CFB: variants seen among roughly 807,000 people sequenced by gnomAD.
CFB encodes the protein complement factor B, also known as B-factor, properdin.
CFB carries 59 observed loss-of-function variants against 97.2 expected under a neutral mutation model. The ratio of observed to expected loss-of-function variants is 0.61; its 90% CI spans 0.49 to 0.75. The LOEUF (loss-of-function observed/expected upper bound fraction) is 0.75. CFB is among the 30% of genes least tolerant of loss of function. The pLI, the probability that CFB is intolerant of heterozygous loss-of-function variation, is 0.00. For synonymous variants in CFB, 316 were observed against 351.7 expected (o/e 0.90, Z 1.14); for missense variants, 771 against 959.8 (o/e 0.80, Z 2.60).
Position 31,951,283 on chromosome 6 carries a change from A to T in CFB, c.1956+39A>T. 2 of 1,613,626 alleles carry T rather than the reference A, an allele frequency of 1.2e-6. No individual in the cohort carries two copies. The highest frequency in any genetic ancestry group is 1.7e-6 in the Non-Finnish European group (2 of 1,179,992). On this transcript the variant is annotated intron_variant, in intron 15 of 17. Transcript: ENST00000425368. The surrounding 1 kb of genome is among the most constrained non-coding windows in gnomAD (Gnocchi z 4.3). ...ATCCTAAGGAGGCACTCTAGGCCCC[A>T]ATCCTTCCTAAGCCACTTCTGTTCA...
rs1356298261 is a variant in CFB, at chr6:31,948,498, A to G, written c.1022A>G (p.Glu341Gly). The change falls in exon 7 of 18, where the codon GAA (glutamate) becomes GGA (glycine). Residue 341 changes from glutamate to glycine, a missense_variant. Physicochemically the swap from Glu to Gly is moderately conservative, Grantham distance 98 (BLOSUM62 -2). Coordinates refer to ENST00000425368, the MANE Select transcript of CFB (RefSeq NM_001710.6). ...GACTGGGTCACGAAGCAGCTCAATG[A>G]AATCAATTATGAAGGTCAGAGGTTA... Reference protein sequence around the residue: ...NADWVTKQLNEINYEDHKLKS... With the variant: ...NADWVTKQLNGINYEDHKLKS... 3.7e-6 allele frequency: 6 copies of G among 1,614,178 alleles called. No homozygotes were observed. The South Asian group carries it at 4.4e-5, about 12-fold the overall frequency.
chr6:31,950,728 C>G lies in CFB; in HGVS notation c.1734C>G (p.Ala578=). The change falls in exon 13 of 18, where the codon GCC becomes GCG. Residue 578 remains alanine, a synonymous_variant. Coordinates refer to ENST00000425368, the MANE Select transcript of CFB (RefSeq NM_001710.6). ...GIPEFYDYDV[A]LIKLKNKLKY... is the part of the protein sequence containing the mutation. Reference sequence around the variant, plus strand: ...CTGAATTTTATGACTATGACGTTGCCCTGATCAAGCTCAAGAATAAGCTGA... The same window carrying G: ...CTGAATTTTATGACTATGACGTTGCGCTGATCAAGCTCAAGAATAAGCTGA... 1 of 1,613,006 alleles carries G rather than the reference C, an allele frequency of 6.2e-7. No individual in the cohort carries two copies. The highest frequency in any genetic ancestry group is 8.5e-7 in the Non-Finnish European group (1 of 1,180,028).
At position 31,950,377 on chromosome 6, in the gene CFB, A is replaced by C; in HGVS notation, c.1598A>C (p.Lys533Thr). 1 of 1,613,032 alleles carries C rather than the reference A, an allele frequency of 6.2e-7. No individual in the cohort carries two copies. Among genetic ancestry groups the C allele is most frequent in the Non-Finnish European group, 8.5e-7 (1 of 1,180,024 alleles). ...GCACATTGTTTCACTGTGGATGACA[A>C]GGAACACTCAATCAAGGTCAGCGTA... ...TAAHCFTVDDKEHSIKVSVGG... is the reference protein window; with the variant it reads ...TAAHCFTVDDTEHSIKVSVGG... The change falls in exon 12 of 18, where the codon AAG becomes ACG. Residue 533 changes from lysine to threonine, a missense_variant. By Grantham distance (78) the Lys-to-Thr change is moderately conservative. Transcript: ENST00000425368.
rs772962134 is a variant in CFB, at chr6:31,952,071, C to A, written c.*41C>A. On this transcript the variant is annotated 3_prime_UTR_variant, in exon 18 of 18. Transcript: ENST00000425368. ...ACAGGGGCGTGGGATTGAATTAAAA[C>A]AGCTGCGACAACACCTGTGTTCCAG... 1.7e-5 allele frequency: 28 copies of A among 1,609,344 alleles called. No individual in the cohort carries two copies. In the Admixed American group the frequency reaches 2.7e-4, roughly 15 times the overall value.
Position 31,946,468 on chromosome 6 carries a change from G to A in CFB, c.160G>A (p.Glu54Lys). 6.2e-7 allele frequency: 1 copy of A among 1,613,082 alleles called. No individual in the cohort carries two copies. Among genetic ancestry groups the A allele is most frequent in the Non-Finnish European group, 8.5e-7 (1 of 1,180,034 alleles). ...IKGGSFRLLQ[E>K]GQALEYVCPS... ...AGGCGGCTCCTTCCGACTTCTCCAA[G>A]AGGGCCAGGCACTGGAGTACGTGTG... The change falls in exon 2 of 18, where the codon GAG becomes AAG. Residue 54 changes from glutamate (E) to lysine (K), a missense_variant. Coordinates refer to ENST00000425368, the MANE Select transcript of CFB (RefSeq NM_001710.6). This position sits in a 1 kb window ranked among gnomAD's most constrained non-coding sequence, Gnocchi z 6.4.
At position 31,946,134 on chromosome 6, in the gene CFB, C is replaced by A; in HGVS notation, c.-88C>A. The A allele has an allele frequency of 7.3e-7, 1 of 1,377,874 alleles. No homozygotes were observed. Among genetic ancestry groups the A allele is most frequent in the Non-Finnish European group, 1.0e-6 (1 of 966,926 alleles). 85.4% of individuals were successfully genotyped at this position (1,377,874 alleles called of 1,614,324 possible). A position where few individuals can be genotyped will look rare whatever the true frequency, so the allele number is the denominator to read the frequency against. On this transcript the variant is annotated 5_prime_UTR_variant, in exon 1 of 18. Transcript: ENST00000425368. This position sits in a 1 kb window ranked among gnomAD's most constrained non-coding sequence, Gnocchi z 6.4. ...ACCAGGTCTAGGTCTGGAGTTTCAG[C>A]TTGGACACTGAGCCAAGCAGACAAG...
At chr6:31,950,995 G>C in intron 14 of CFB, 51 bp downstream of exon 14, 1 of 1,597,820 alleles carries the variant, frequency 6.3e-7, no homozygotes, top group Non-Finnish European at 8.6e-7. Flanking sequence ...GAGACAAGTG[G>C]GGCATGAGAG....
At position 31,946,581 on chromosome 6, in the gene CFB, G is replaced by T; in HGVS notation, c.273G>T (p.Lys91Asn). The change falls in exon 2 of 18, where the codon AAG (lysine) becomes AAT (asparagine). Residue 91 changes from lysine (K) to asparagine (N), a missense_variant. By Grantham distance (94) the Lys-to-Asn change is moderately conservative (BLOSUM62 0). Transcript: ENST00000425368. This position sits in a 1 kb window ranked among gnomAD's most constrained non-coding sequence, Gnocchi z 6.4. ...GCACCCTGAAGACTCAAGACCAAAA[G>T]ACTGTCAGGAAGGCAGAGTGCAGAG... ...SWSTLKTQDQ[K>N]TVRKAECRAI... The T allele has an allele frequency of 6.2e-7, 1 of 1,611,380 alleles. No individual in the cohort carries two copies. Among genetic ancestry groups the T allele is most frequent in the Admixed American group, 1.7e-5 (1 of 60,014 alleles).
Position 31,947,401 on chromosome 6 carries a change from C to T in CFB, c.538C>T (p.Gln180Ter). Residue 180 changes from glutamine to a stop codon, truncating the protein, a stop_gained, in exon 4 of 18, where the codon CAG (glutamine) becomes TAG (stop). Transcript: ENST00000425368. LOFTEE classifies it high-confidence loss of function. The surrounding 1 kb of genome is among the most constrained non-coding windows in gnomAD (Gnocchi z 5.3). The stretch of plus-strand genomic sequence containing the variant: ...CATTGGCACAAGGAAGGTGGGCAGC[C>T]AGTACCGCCTTGAAGACAGCGTCAC... ...IPIGTRKVGS[Q>*]YRLEDSVTYH... The T allele has an allele frequency of 1.2e-6, 2 of 1,613,072 alleles. No individual in the cohort carries two copies. The highest frequency in any genetic ancestry group is 1.7e-6 in the Non-Finnish European group (2 of 1,180,024).
In CFB at chr6:31,947,330, T is replaced by C. The variant is rs756457972; in HGVS notation, c.485-18T>C. On this transcript the variant is annotated intron_variant, in intron 3 of 17. Coordinates refer to ENST00000425368, the MANE Select transcript of CFB (RefSeq NM_001710.6). This position sits in a 1 kb window ranked among gnomAD's most constrained non-coding sequence, Gnocchi z 5.3. The stretch of plus-strand genomic sequence containing the variant: ...CCTCAGGCTTCAGTGCTTACCTCGA[T>C]GTCTCATACCTCTGCAGCGGGGTAC... 26 of 1,612,796 alleles carry C rather than the reference T, an allele frequency of 1.6e-5. No homozygotes were observed. In the Admixed American group the frequency reaches 4.3e-4, roughly 27 times the overall value.
chr6:31,950,007 A>G (rs935133840), intron 10 of CFB, 43 bp from the exon 11 acceptor site: 6 of 1,594,170 alleles, frequency 3.8e-6, no homozygotes, highest in African/African-American at 1.3e-5. Context: ...CCATTTGGGA[A>G]TGAAGTGTTC....
intron 10 of CFB, 67 bp downstream of exon 10, chr6:31,949,624 C>G (rs1055748701): frequency 2.5e-6 from 4 of 1,586,042 alleles, no homozygotes; most frequent in African/African-American, 2.7e-5. Context: ...TTCATTCTTC[C>G]TCTACACCTG....
chr6:31,947,398 A>C lies in CFB; in HGVS notation c.535A>C (p.Ser179Arg). The change falls in exon 4 of 18, where the codon AGC (serine) becomes CGC (arginine). Residue 179 changes from serine to arginine, a missense_variant. Physicochemically the swap from Ser to Arg is moderately radical, Grantham distance 110. Coordinates refer to ENST00000425368, the MANE Select transcript of CFB (RefSeq NM_001710.6). The surrounding 1 kb of genome is among the most constrained non-coding windows in gnomAD (Gnocchi z 5.3). ...GIPIGTRKVG[S>R]QYRLEDSVTY... ...CCCCATTGGCACAAGGAAGGTGGGCAGCCAGTACCGCCTTGAAGACAGCGT... is the reference window on the plus strand; with the variant it reads ...CCCCATTGGCACAAGGAAGGTGGGCCGCCAGTACCGCCTTGAAGACAGCGT... 1 of 1,613,082 alleles carries C rather than the reference A, an allele frequency of 6.2e-7. No individual in the cohort carries two copies. The highest frequency in any genetic ancestry group is 8.5e-7 in the Non-Finnish European group (1 of 1,180,032).
chr6:31,948,576 C>T, intron 7 of CFB, 64 bp downstream of exon 7: 1 of 1,606,492 alleles, frequency 6.2e-7, no homozygotes, highest in East Asian at 2.2e-5. Context: ...TGGAGGGGGT[C>T]ATGAGACTAC....
chr6:31,951,047 G>C lies in CFB; in HGVS notation c.1856-97G>C. ...GAGATGATGCCTGGCCCAGAACCTAGCTCTAGAAGGGCTTAGGGGACATCT... is the reference window on the plus strand; with the variant it reads ...GAGATGATGCCTGGCCCAGAACCTACCTCTAGAAGGGCTTAGGGGACATCT... On this transcript the variant is annotated intron_variant, in intron 14 of 17. Transcript: ENST00000425368. This position sits in a 1 kb window ranked among gnomAD's most constrained non-coding sequence, Gnocchi z 4.3. The C allele has an allele frequency of 5.7e-6, 9 of 1,568,118 alleles. No individual in the cohort carries two copies. Among genetic ancestry groups the C allele is most frequent in the Non-Finnish European group, 7.9e-6 (9 of 1,140,644 alleles).
rs1771614390 is a variant in CFB, at chr6:31,949,299, C to T, written c.1225C>T (p.Leu409=). Residue 409 remains leucine (L), a synonymous_variant, in exon 9 of 18, where the codon CTA becomes TTA. Transcript: ENST00000425368. ...TGTCATTGATGAGATCCGGGACTTG[C>T]TATACATTGGCAAGGATCGCAAAAA... ...ITVIDEIRDL[L]YIGKDRKNPR... is the part of the protein sequence containing the mutation. The T allele has an allele frequency of 6.2e-7, 1 of 1,614,008 alleles. No individual in the cohort carries two copies. The highest frequency in any genetic ancestry group is 1.3e-5 in the African/African-American group (1 of 74,924).
Position 31,947,274 on chromosome 6 carries a change from G to T in CFB, c.485-74G>T. On this transcript the variant is annotated intron_variant, in intron 3 of 17. Coordinates refer to ENST00000425368, the MANE Select transcript of CFB (RefSeq NM_001710.6). This position sits in a 1 kb window ranked among gnomAD's most constrained non-coding sequence, Gnocchi z 5.3. ...GAGTGGGCACTCGGCTCCGGACACT[G>T]TAACTCTTGCTCTCTACCTTGCTCA... is the stretch of plus-strand genomic sequence containing the variant. 1 of 1,611,330 alleles carries T rather than the reference G, an allele frequency of 6.2e-7. No individual in the cohort carries two copies.
In CFB at chr6:31,947,810, G is replaced by A. The variant is rs1299835237; in HGVS notation, c.727G>A (p.Glu243Lys). Reference sequence around the variant, plus strand: ...CCTGTCTTCCCTGACAGAGACCATAGAAGGAGTCGATGCTGAGGATGGGCA... The same window carrying A: ...CCTGTCTTCCCTGACAGAGACCATAAAAGGAGTCGATGCTGAGGATGGGCA... ...AFLSSLTETI[E>K]GVDAEDGHGP... The change falls in exon 5 of 18, where the codon GAA becomes AAA. Residue 243 changes from glutamate (E) to lysine (K), a missense_variant. Physicochemically the swap from Glu to Lys is moderately conservative, Grantham distance 56. Transcript: ENST00000425368. This position sits in a 1 kb window ranked among gnomAD's most constrained non-coding sequence, Gnocchi z 5.3. 6.2e-7 allele frequency: 1 copy of A among 1,613,720 alleles called. No homozygotes were observed. Among genetic ancestry groups the A allele is most frequent in the Non-Finnish European group, 8.5e-7 (1 of 1,180,028 alleles).
At position 31,948,169 on chromosome 6, in the gene CFB, C is replaced by T. The variant is rs4151652; in HGVS notation, c.897+88C>T. 3,108 of 1,564,292 alleles carry T rather than the reference C, an allele frequency of 2.0e-3. 35 individuals carry two copies. In the African/African-American group the frequency reaches 0.022, roughly 11 times the overall value. ...CCCTGATCATTCCAGCCCCTCTGAA[C>T]AACAGGGCCCCAGGAAAATCTCCAG... On this transcript the variant is annotated intron_variant, in intron 6 of 17. Transcript: ENST00000425368.
Sources: gnomAD v4.1 joint callset for allele counts on GRCh38, gnomAD v4.1.1 for gene constraint, Gnocchi (gnomAD v3.1) non-coding constraint, MANE v1.5 for transcripts, NCBI Gene and HGNC (gene_info 2026-07-23, HGNC 2026-07-21) for gene names.